The following CAMK1D variants were observed in gnomAD, a reference collection of about 807,000 sequenced individuals.
The protein encoded by CAMK1D is calcium/calmodulin dependent protein kinase ID, also known as calcium/calmodulin-dependent protein kinase type 1D.
Under a neutral mutation model 47.7 loss-of-function variants are expected in CAMK1D, and 9 were observed. The observed-to-expected ratio is 0.19, with a 90% CI of 0.11 to 0.33. CAMK1D has a LOEUF of 0.33. Ranked by LOEUF, CAMK1D falls within the 10% of genes least tolerant of loss-of-function variation. The pLI is 1.00. For missense variants in CAMK1D, 291 were observed against 488.7 expected (o/e 0.60, Z 3.81); for synonymous variants, 184 against 184.9 (o/e 0.99, Z 0.04).
At chr10:12,401,161 TAA>T in intron 1 of CAMK1D, among the ~76,000 whole-genome samples, 1 of 57,626 alleles carries the variant, frequency 1.7e-5, no homozygotes. Flanking sequence ...TATATATATA[TAA>T]TATATGTATT....
chr10:12,774,088 C>T (rs1432656815), intron 5 of CAMK1D, among the ~76,000 whole-genome samples: 1 of 151,348 alleles, frequency 6.6e-6, no homozygotes, highest in Non-Finnish European at 1.5e-5. Flanking sequence ...GCGGGTACAT[C>T]AATAGAAATA....
At chr10:12,609,177 T>C (rs1230390015) in intron 2 of CAMK1D, among the ~76,000 whole-genome samples, 2 of 152,168 alleles carry the variant, frequency 1.3e-5, no homozygotes, top group African/African-American at 2.4e-5. Flanking sequence ...GAGGAAGTCA[T>C]GACCCAGCCT....
chr10:12,502,427 G>T (rs997814312), intron 1 of CAMK1D, among the ~76,000 whole-genome samples: 1 of 152,142 alleles, frequency 6.6e-6, no homozygotes, highest in Non-Finnish European at 1.5e-5. Flanking sequence ...GTCTTGGCTT[G>T]TGGGCAGCGC....
At chr10:12,615,830 G>A (rs561827366) in intron 2 of CAMK1D, among the ~76,000 whole-genome samples, 47 of 148,572 alleles carry the variant, frequency 3.2e-4, no homozygotes, top group Non-Finnish European at 5.4e-4. Context: ...GTATATGTGT[G>A]CGTTCGTGTG....
chr10:12,435,491 A>G (rs1485820823), intron 1 of CAMK1D, among the ~76,000 whole-genome samples: 3 of 152,134 alleles, frequency 2.0e-5, no homozygotes, highest in East Asian at 3.9e-4. Context: ...TGTTACCTCA[A>G]GGTAATACCG....
intron 2 of CAMK1D, among the ~76,000 whole-genome samples, chr10:12,558,060 A>T (rs2132283766): frequency 6.6e-6 from 1 of 152,374 alleles, no homozygotes; most frequent in East Asian, 1.9e-4. Context: ...GAGGACCGGC[A>T]GCCTTGCTCT....
chr10:12,489,019 T>G (rs981101314), intron 1 of CAMK1D, among the ~76,000 whole-genome samples: 2 of 151,744 alleles, frequency 1.3e-5, no homozygotes, highest in Non-Finnish European at 2.9e-5. Flanking sequence ...CACTGCAAGC[T>G]CCGCCTCCCA....
rs112979383 is a variant in CAMK1D, at chr10:12,426,168, C to T, written c.92+76258C>T. On this transcript the variant is annotated intron_variant, in intron 1 of 10. Coordinates refer to ENST00000619168, the MANE Select transcript of CAMK1D (RefSeq NM_153498.4). Reference sequence around the variant, plus strand: ...GTATTTAGGCTTGACGTGGAGTCAGCCCTGGTAATGGGAAGCTCATCCTGC... The same window carrying T: ...GTATTTAGGCTTGACGTGGAGTCAGTCCTGGTAATGGGAAGCTCATCCTGC... Among the ~76,000 whole-genome samples the T allele has an allele frequency of 4.4e-3, 675 of 152,330 alleles. 7 individuals carry two copies. The highest frequency in any genetic ancestry group is 0.015 in the African/African-American group (615 of 41,566).
intron 3 of CAMK1D, among the ~76,000 whole-genome samples, chr10:12,691,087 A>G (rs1403244248): frequency 1.3e-5 from 2 of 152,064 alleles, no homozygotes; most frequent in African/African-American, 4.8e-5. Flanking sequence ...GCGTGGCTGA[A>G]CCATGAATCC....
intron 6 of CAMK1D, among the ~76,000 whole-genome samples, chr10:12,808,189 C>T (rs535552168): frequency 1.3e-5 from 2 of 152,364 alleles, no homozygotes; most frequent in East Asian, 3.9e-4. Flanking sequence ...CCTCCACTCC[C>T]ACAAAGCTGC....
intron 1 of CAMK1D, among the ~76,000 whole-genome samples, chr10:12,390,888 A>C (rs1350660650): frequency 6.6e-6 from 1 of 152,074 alleles, no homozygotes; most frequent in Non-Finnish European, 1.5e-5. Context: ...ACTCAGGCTC[A>C]AGCGTGCGTG....
intron 2 of CAMK1D, among the ~76,000 whole-genome samples, chr10:12,563,130 C>G (rs1836996767): frequency 6.6e-6 from 1 of 152,212 alleles, no homozygotes; most frequent in Non-Finnish European, 1.5e-5. Flanking sequence ...GGACTTGGCC[C>G]AAGGCCAAAG....
At chr10:12,783,345 C>G (rs1384154628) in intron 5 of CAMK1D, among the ~76,000 whole-genome samples, 2 of 152,170 alleles carry the variant, frequency 1.3e-5, no homozygotes, top group African/African-American at 4.8e-5. Flanking sequence ...GCCCCTGTCC[C>G]CCAGGCTGCT....
chr10:12,730,841 A>G (rs1452839914), intron 3 of CAMK1D, among the ~76,000 whole-genome samples: 1 of 152,218 alleles, frequency 6.6e-6, no homozygotes, highest in African/African-American at 2.4e-5. Flanking sequence ...ACATAGAATC[A>G]TGATACTGGT....
chr10:12,595,342 G>GAAAAAAAACAAAAAAAAAAAAAAAAAA (rs1838113735), intron 2 of CAMK1D, among the ~76,000 whole-genome samples: 1 of 23,554 alleles, frequency 4.2e-5, no homozygotes, highest in Non-Finnish European at 7.0e-5. Context: ...AACTCCATCT[G>GAAAAAAAACAAAAAAAAAAAAAAAAAA]AAAAAAAAAA....
intron 1 of CAMK1D, among the ~76,000 whole-genome samples, chr10:12,356,940 C>T (rs1588399283): frequency 6.6e-6 from 1 of 152,072 alleles, no homozygotes; most frequent in Admixed American, 6.6e-5. Context: ...TGTGTGCTCT[C>T]AGGGGAGGAT....
chr10:12,616,842 A>G lies in CAMK1D; in HGVS notation c.225-49894A>G, dbSNP rs557899200. 4.6e-5 allele frequency among the ~76,000 whole-genome samples: 7 copies of G among 152,214 alleles called. No individual in the cohort carries two copies. The South Asian group carries it at 1.5e-3, about 32-fold the overall frequency. ...GAGGTCAAGTATCTTCTCACCAGCT[A>G]GAGTAGAGGAGGCAGGGCGGGAACC... On this transcript the variant is annotated intron_variant, in intron 2 of 10. Transcript: ENST00000619168.
intron 3 of CAMK1D, among the ~76,000 whole-genome samples, chr10:12,745,615 T>C (rs1835635633): frequency 6.6e-6 from 1 of 151,990 alleles, no homozygotes; most frequent in South Asian, 2.1e-4. Flanking sequence ...TTCTTTTTTT[T>C]TTTTGAGATG....
At chr10:12,410,911 G>A (rs2131942050) in intron 1 of CAMK1D, among the ~76,000 whole-genome samples, 1 of 152,266 alleles carries the variant, frequency 6.6e-6, no homozygotes, top group South Asian at 2.1e-4. Context: ...TCTTGACTTT[G>A]TACTAATTGC....
Sources: allele counts gnomAD v4.1 joint callset (sites outside exome capture counted in the v4.1 genomes callset), GRCh38; gene constraint gnomAD v4.1.1; transcripts MANE v1.5; gene names NCBI Gene and HGNC (gene_info 2026-07-23, HGNC 2026-07-21).